JARID2: variants seen among roughly 807,000 people sequenced by gnomAD.
JARID2 encodes the protein jumonji and AT-rich interaction domain containing 2.
In JARID2, 21 loss-of-function variants were observed where a neutral mutation model predicts 125.6. The observed-to-expected ratio is 0.17, with a 90% CI of 0.12 to 0.24. The LOEUF (loss-of-function observed/expected upper bound fraction) is 0.24. Among genes scored for constraint, JARID2 ranks in the 10% least tolerant of loss-of-function variants. JARID2 has a pLI of 1.00. For missense variants in JARID2, 1,303 were observed against 1,639.6 expected, an observed-to-expected ratio of 0.79 and a Z score of 3.55; for synonymous variants, 736 against 661.6, an observed-to-expected ratio of 1.11 and a Z score of -1.73.
intron 1 of JARID2, among the ~76,000 whole-genome samples, chr6:15,289,737 T>G (rs1351879461): frequency 1.3e-5 from 2 of 152,162 alleles, no homozygotes; most frequent in South Asian, 4.2e-4. Context: ...TCCCAGCTGT[T>G]CAGGAGGCTG....
At position 15,520,689 on chromosome 6, in the gene JARID2, GCACA is replaced by G. The variant is rs112303618; in HGVS notation, c.*452_*455del. 2.8e-5 allele frequency: 11 copies of G among 391,382 alleles called. No individual in the cohort carries two copies. The highest frequency in any genetic ancestry group is 8.5e-5 in the East Asian group (1 of 11,760). 24.2% of individuals were successfully genotyped at this position (391,382 alleles called of 1,614,324 possible). A position where few individuals can be genotyped will look rare whatever the true frequency, so the allele number is the denominator to read the frequency against. On this transcript the variant is annotated 3_prime_UTR_variant, in exon 18 of 18. Coordinates refer to ENST00000341776, the MANE Select transcript of JARID2 (RefSeq NM_004973.4). ...TTTAGAAGGGATAGGAGACACACGC[GCACA>G]CACACACACACACGAAACTTGAAAT...
chr6:15,502,290 C>A (rs1355056767), intron 8 of JARID2, among the ~76,000 whole-genome samples: 1 of 152,250 alleles, frequency 6.6e-6, no homozygotes, highest in Non-Finnish European at 1.5e-5. Context: ...CCTTCTCCAG[C>A]CTGCCAGTGG....
At chr6:15,284,831 G>A (rs923729010) in intron 1 of JARID2, among the ~76,000 whole-genome samples, 1 of 152,054 alleles carries the variant, frequency 6.6e-6, no homozygotes, top group African/African-American at 2.4e-5. Flanking sequence ...GGTTGAAAAA[G>A]AGTTAACATC....
In JARID2 at chr6:15,496,919, A is replaced by G. The variant is rs769949038; in HGVS notation, c.1694A>G (p.Lys565Arg). The G allele has an allele frequency of 2.5e-6, 4 of 1,602,778 alleles. No individual in the cohort carries two copies. The South Asian group carries it at 4.4e-5, about 18-fold the overall frequency. ...ATCCCCGTCCTCAGGCCCTCCGCCA[A>G]GGAGTTCCACGATCCGCTCATCTAC... ...DEIPVLRPSA[K>R]EFHDPLIYIE... The change falls in exon 7 of 18, where the codon AAG becomes AGG. Residue 565 changes from lysine (K) to arginine (R), a missense_variant. Physicochemically the swap from Lys to Arg is conservative, Grantham distance 26 (BLOSUM62 2). Around this residue, in one of 11 missense-constraint regions of JARID2, gnomAD observed 651 missense variants for 581.6 expected, o/e 1.12. Coordinates refer to ENST00000341776, the MANE Select transcript of JARID2 (RefSeq NM_004973.4).
intron 1 of JARID2, among the ~76,000 whole-genome samples, chr6:15,335,942 C>T (rs1351546254): frequency 6.6e-6 from 1 of 152,044 alleles, no homozygotes; most frequent in Admixed American, 6.6e-5. Flanking sequence ...AAAAAATAGC[C>T]AGAGGTGGTG....
intron 1 of JARID2, among the ~76,000 whole-genome samples, chr6:15,262,962 C>T (rs1759939417): frequency 6.6e-6 from 1 of 152,110 alleles, no homozygotes; most frequent in Non-Finnish European, 1.5e-5. Context: ...TATTTTCTGT[C>T]ATTAAGCTGT....
Position 15,501,212 on chromosome 6 carries a change from C to T in JARID2, c.2251C>T (p.Leu751=). The T allele has an allele frequency of 1.2e-6, 2 of 1,614,038 alleles. No individual in the cohort carries two copies. The highest frequency in any genetic ancestry group is 1.7e-6 in the Non-Finnish European group (2 of 1,179,918). ...TENDHHKFHP[L]PRFEPKNGLI... is the part of the protein sequence containing the mutation. ...GAACGACCACCACAAGTTCCACCCT[C>T]TGCCCCGCTTCGAGCCCAAGAATGG... The change falls in exon 8 of 18, where the codon CTG becomes TTG. Residue 751 remains leucine (L), a synonymous_variant. Coordinates refer to ENST00000341776, the MANE Select transcript of JARID2 (RefSeq NM_004973.4).
chr6:15,495,172 C>T (rs1770353390), intron 6 of JARID2, among the ~76,000 whole-genome samples: 2 of 152,142 alleles, frequency 1.3e-5, no homozygotes, highest in Admixed American at 1.3e-4. Flanking sequence ...ATTGGGGTCC[C>T]TTCATTATTC....
chr6:15,310,966 GTGGGAA>G lies in JARID2; in HGVS notation c.46-63144_46-63139del, dbSNP rs1402238988. On this transcript the variant is annotated intron_variant, in intron 1 of 17. Transcript: ENST00000341776. Reference sequence around the variant, plus strand: ...TCACGGCTGCCTGCCCAGTCCCTGTGTGGGAATGGGAACCGTCATAGAGTGAATATG... The same window carrying G: ...TCACGGCTGCCTGCCCAGTCCCTGTGTGGGAACCGTCATAGAGTGAATATG... Among the ~76,000 whole-genome samples, 5 of 152,310 alleles carry G rather than the reference GTGGGAA, an allele frequency of 3.3e-5. No homozygotes were observed. In the East Asian group the frequency reaches 9.6e-4, roughly 29 times the overall value.
intron 7 of JARID2, among the ~76,000 whole-genome samples, chr6:15,497,668 A>C (rs1770526598): frequency 7.8e-6 from 1 of 128,438 alleles, no homozygotes. Flanking sequence ...AAAAAAAAGT[A>C]TTGAGCTTGG....
In JARID2 at chr6:15,521,496, A is replaced by T. The variant is rs1771849720; in HGVS notation, c.*1245A>T. On this transcript the variant is annotated 3_prime_UTR_variant, in exon 18 of 18. Coordinates refer to ENST00000341776, the MANE Select transcript of JARID2 (RefSeq NM_004973.4). ...TCTTCATCGGTTGGATTGGATGCTT[A>T]CAGGGTTTTTCTTGTAACATTTATA... 1 of 152,158 alleles carries T rather than the reference A, an allele frequency of 6.6e-6. No homozygotes were observed. Among genetic ancestry groups the T allele is most frequent in the South Asian group, 2.1e-4 (1 of 4,828 alleles). The allele number at this position is 152,158 out of a possible 1,614,324, so 9.4% of individuals were successfully genotyped here. A position where few individuals can be genotyped will look rare whatever the true frequency, so the allele number is the denominator to read the frequency against.
chr6:15,387,233 CAG>C (rs1372174382), intron 2 of JARID2, among the ~76,000 whole-genome samples: 8 of 152,144 alleles, frequency 5.3e-5, no homozygotes, highest in Non-Finnish European at 1.0e-4. Flanking sequence ...GATGCCAAGA[CAG>C]TGTGCGTGTG....
At chr6:15,420,164 G>A (rs908646698) in intron 3 of JARID2, among the ~76,000 whole-genome samples, 1 of 152,156 alleles carries the variant, frequency 6.6e-6, no homozygotes, top group Admixed American at 6.5e-5. Context: ...TAGCACTTCG[G>A]GAGGCCGAGG....
chr6:15,437,563 G>A (rs941304645), intron 3 of JARID2, among the ~76,000 whole-genome samples: 5 of 152,038 alleles, frequency 3.3e-5, no homozygotes, highest in African/African-American at 9.7e-5. Context: ...TTAAAAAGAG[G>A]AACTTTTTCT....
chr6:15,354,480 T>G (rs942044526), intron 1 of JARID2, among the ~76,000 whole-genome samples: 1 of 152,252 alleles, frequency 6.6e-6, no homozygotes, highest in African/African-American at 2.4e-5. Context: ...TTTAATGCTT[T>G]CTTTGTCCTT....
chr6:15,431,890 G>T (rs572764577), intron 3 of JARID2, among the ~76,000 whole-genome samples: 2 of 152,240 alleles, frequency 1.3e-5, no homozygotes, highest in East Asian at 1.9e-4. Flanking sequence ...CACTGGAAAG[G>T]ACTCTTATCT....
intron 3 of JARID2, among the ~76,000 whole-genome samples, chr6:15,425,586 A>G (rs571844788): frequency 1.3e-5 from 2 of 152,296 alleles, no homozygotes; most frequent in South Asian, 4.1e-4. Context: ...GATTCCTTAT[A>G]GAAGGACAAG....
chr6:15,506,920 G>A (rs1771031147), intron 9 of JARID2, among the ~76,000 whole-genome samples: 1 of 152,222 alleles, frequency 6.6e-6, no homozygotes, highest in African/African-American at 2.4e-5. Context: ...CATAACATGG[G>A]TGAGACCCTG....
chr6:15,261,197 C>T (rs1385969857), intron 1 of JARID2, among the ~76,000 whole-genome samples: 5 of 152,086 alleles, frequency 3.3e-5, no homozygotes, highest in Non-Finnish European at 7.4e-5. Flanking sequence ...ACATGGAGGT[C>T]ATCCCAATAA....
Sources: allele counts gnomAD v4.1 joint callset (sites outside exome capture counted in the v4.1 genomes callset), GRCh38; gene constraint gnomAD v4.1.1; regional missense constraint gnomAD v4.1.1; transcripts MANE v1.5; gene names NCBI Gene and HGNC (gene_info 2026-07-23, HGNC 2026-07-21).